Variants in DMD observed in about 807,000 individuals in gnomAD.
DMD encodes the protein mutant dystrophin.
Under a neutral mutation model 330.1 loss-of-function variants are expected in DMD, and 63 were observed. That is an observed-to-expected ratio of 0.19 (90% CI 0.16 to 0.24). The LOEUF is 0.24. Among genes scored for constraint, DMD ranks in the 10% least tolerant of loss-of-function variants. DMD has a pLI of 1.00. For missense variants in DMD, 3,344 were observed against 2,684.1 expected, an observed-to-expected ratio of 1.25 and a Z score of -5.43; for synonymous variants, 1,223 against 959.8, an observed-to-expected ratio of 1.27 and a Z score of -5.07.
At chrX:31,909,419 A>T (rs972802140) in intron 47 of DMD, among the ~76,000 whole-genome samples, 1 of 108,214 alleles carries the variant, frequency 9.2e-6, no homozygotes, top group Non-Finnish European at 1.9e-5. Context: ...AAGTTTGCAG[A>T]TGTGGGTTCT....
chrX:32,816,756 G>C, intron 5 of DMD, 116 bp from the exon 6 acceptor site: 1 of 671,535 alleles, frequency 1.5e-6, no homozygotes, highest in African/African-American at 2.2e-5. Context: ...GGGCCAATTA[G>C]TAATGAGACA....
intron 64 of DMD, among the ~76,000 whole-genome samples, chrX:31,216,277 C>T (rs775436324): frequency 6.9e-4 from 78 of 112,343 alleles, no homozygotes; most frequent in African/African-American, 2.5e-3. Flanking sequence ...TACTAGAAAA[C>T]GGAACCTACG....
intron 7 of DMD, among the ~76,000 whole-genome samples, chrX:32,791,020 G>A (rs1388395403): frequency 9.0e-6 from 1 of 110,695 alleles, no homozygotes; most frequent in Non-Finnish European, 1.9e-5. Flanking sequence ...TAGAGACCTG[G>A]GGCTCTCCCA....
At chrX:33,193,282 G>A (rs1351617639) in intron 1 of DMD, among the ~76,000 whole-genome samples, 2 of 111,889 alleles carry the variant, frequency 1.8e-5, no homozygotes, top group South Asian at 7.4e-4. Context: ...ATTCCAGCCT[G>A]GGCAACAGAG....
At chrX:32,979,444 T>C (rs2092643390) in intron 2 of DMD, among the ~76,000 whole-genome samples, 1 of 112,013 alleles carries the variant, frequency 8.9e-6, no homozygotes, top group Non-Finnish European at 1.9e-5. Context: ...GGCAACCAAA[T>C]TGGCACTTAT....
At chrX:31,746,906 T>C (rs1046560445) in intron 51 of DMD, among the ~76,000 whole-genome samples, 28 of 111,132 alleles carry the variant, frequency 2.5e-4, no homozygotes, top group African/African-American at 8.2e-4. Context: ...TGGACGTACA[T>C]ATAAGGGGAA....
At chrX:32,050,864 A>G (rs888960324) in intron 44 of DMD, among the ~76,000 whole-genome samples, 2 of 111,273 alleles carry the variant, frequency 1.8e-5, no homozygotes, top group Non-Finnish European at 3.8e-5. Context: ...AATAGTGTAA[A>G]ATAACGTACC....
At chrX:31,951,137 ATATGTG>A (rs1339539051) in intron 45 of DMD, among the ~76,000 whole-genome samples, 26 of 77,854 alleles carry the variant, frequency 3.3e-4, no homozygotes, top group African/African-American at 1.4e-3. Flanking sequence ...ATATATATAT[ATATGTG>A]TATATATATA....
chrX:32,474,204 T>TACACACACACACACACAC (rs1389594342), intron 21 of DMD, among the ~76,000 whole-genome samples: 9 of 37,659 alleles, frequency 2.4e-4, no homozygotes, highest in African/African-American at 4.4e-4. Context: ...TATACATACA[T>TACACACACACACACACAC]ACATACACAC....
chrX:32,964,742 C>T (rs2092070617), intron 2 of DMD, among the ~76,000 whole-genome samples: 1 of 111,475 alleles, frequency 9.0e-6, no homozygotes, highest in South Asian at 3.7e-4. Context: ...AAAAAGTTCT[C>T]TTTATAGAAC....
intron 74 of DMD, among the ~76,000 whole-genome samples, chrX:31,168,030 G>C (rs1480211001): frequency 8.9e-6 from 1 of 112,078 alleles, no homozygotes; most frequent in African/African-American, 3.2e-5. Flanking sequence ...GATCTAGCAG[G>C]GCTCCATGGG....
At chrX:32,784,013 G>C (rs1472861358) in intron 7 of DMD, among the ~76,000 whole-genome samples, 1 of 104,337 alleles carries the variant, frequency 9.6e-6, no homozygotes, top group Non-Finnish European at 2.0e-5. Flanking sequence ...GGGTGGGGGG[G>C]GGAAATACAC....
intron 29 of DMD, among the ~76,000 whole-genome samples, chrX:32,421,230 T>C (rs1019765034): frequency 2.7e-5 from 3 of 112,310 alleles, no homozygotes; most frequent in African/African-American, 9.7e-5. Context: ...CCACACTACA[T>C]TGAAAAAGTC....
At chrX:31,377,057 AG>A in intron 60 of DMD, among the ~76,000 whole-genome samples, 1 of 112,271 alleles carries the variant, frequency 8.9e-6, no homozygotes, top group East Asian at 2.8e-4. Context: ...TTACACAAAA[AG>A]ATTTTATAAG....
chrX:32,462,857 G>A (rs1393971038), intron 25 of DMD, among the ~76,000 whole-genome samples: 1 of 110,822 alleles, frequency 9.0e-6, no homozygotes, highest in African/African-American at 3.3e-5. Flanking sequence ...TACTTGTGGG[G>A]ACTGAGATGG....
intron 44 of DMD, among the ~76,000 whole-genome samples, chrX:32,204,986 C>CTCTCTCTCTCTG (rs1358184640): frequency 8.6e-5 from 4 of 46,640 alleles, no homozygotes; most frequent in Admixed American, 2.8e-4. Flanking sequence ...ATCTCTCTCT[C>CTCTCTCTCTCTG]TCTCTCTCTC....
At chrX:31,180,218 A>G in intron 69 of DMD, 152 bp downstream of exon 69, 1 of 521,686 alleles carries the variant, frequency 1.9e-6, no homozygotes. Context: ...GGGATAGGGT[A>G]AATCCTGAAG....
At chrX:32,572,388 TG>T (rs201343229) in intron 15 of DMD, among the ~76,000 whole-genome samples, 3 of 111,650 alleles carry the variant, frequency 2.7e-5, no homozygotes, top group African/African-American at 9.7e-5. Flanking sequence ...ACAACCATTT[TG>T]TTTTATAAAA....
intron 4 of DMD, among the ~76,000 whole-genome samples, chrX:32,831,724 G>A (rs993809804): frequency 9.3e-6 from 1 of 107,594 alleles, no homozygotes; most frequent in Non-Finnish European, 1.9e-5. Context: ...ATGAGAGAGA[G>A]AAAAAGACAG....
Sources: allele counts gnomAD v4.1 joint callset (sites outside exome capture counted in the v4.1 genomes callset), GRCh38; gene constraint gnomAD v4.1.1; transcripts MANE v1.5; gene names NCBI Gene and HGNC (gene_info 2026-07-23, HGNC 2026-07-21).